The following MYO1E variants were observed in gnomAD, a reference collection of about 807,000 sequenced individuals.
MYO1E encodes the protein myosin IE.
In MYO1E, 68 loss-of-function variants were observed where a neutral mutation model predicts 151.1. That is an observed-to-expected ratio of 0.45 (90% confidence interval 0.37 to 0.55). The LOEUF (loss-of-function observed/expected upper bound fraction) is 0.55. MYO1E is among the 20% of genes least tolerant of loss of function. MYO1E has a pLI of 0.00. For missense variants in MYO1E, 1,363 were observed against 1,389.3 expected (o/e 0.98, Z 0.30); for synonymous variants, 601 against 501.7 (o/e 1.20, Z -2.64).
intron 1 of MYO1E, among the ~76,000 whole-genome samples, chr15:59,302,772 T>C (rs2080490613): frequency 7.5e-6 from 1 of 132,602 alleles, no homozygotes; most frequent in South Asian, 2.4e-4. Flanking sequence ...TTATAAACTC[T>C]GGACACTATA....
intron 19 of MYO1E, among the ~76,000 whole-genome samples, chr15:59,176,723 T>C (rs538467701): frequency 3.0e-4 from 46 of 152,258 alleles, no homozygotes; most frequent in African/African-American, 1.1e-3. Context: ...TCCCAAAGTA[T>C]TGAGATTAGA....
At chr15:59,170,159 T>TAAAACAAAACAAAACAAAAC (rs199974292) in intron 22 of MYO1E, among the ~76,000 whole-genome samples, 1 of 151,620 alleles carries the variant, frequency 6.6e-6, no homozygotes, top group African/African-American at 2.4e-5. Flanking sequence ...AGACTCTGTC[T>TAAAACAAAACAAAACAAAAC]AAAACAAAAC....
chr15:59,195,808 C>A (rs1490685624), intron 16 of MYO1E, among the ~76,000 whole-genome samples: 1 of 152,166 alleles, frequency 6.6e-6, no homozygotes, highest in Non-Finnish European at 1.5e-5. Context: ...TAGGCATTTT[C>A]AGTACAGTTA....
At chr15:59,175,792 C>A (rs2079621127) in intron 19 of MYO1E, among the ~76,000 whole-genome samples, 1 of 152,176 alleles carries the variant, frequency 6.6e-6, no homozygotes, top group African/African-American at 2.4e-5. Flanking sequence ...AAAGGATGAA[C>A]AGGCAAACGA....
At chr15:59,319,829 G>A (rs2080614722) in intron 1 of MYO1E, among the ~76,000 whole-genome samples, 2 of 151,938 alleles carry the variant, frequency 1.3e-5, no homozygotes, top group Admixed American at 1.3e-4. Flanking sequence ...CTTGAACACA[G>A]AGGCAGAGGT....
rs1186180084 is a variant in MYO1E at position 59,221,036 on chromosome 15, T to TTA, written c.910+2021_910+2022dup. Among the ~76,000 whole-genome samples, 1,383 of 145,738 alleles carry TTA rather than the reference T, an allele frequency of 9.5e-3. 10 individuals carry two copies. The highest frequency in any genetic ancestry group is 0.015 in the Non-Finnish European group (1,022 of 66,664). On this transcript the variant is annotated intron_variant, in intron 9 of 27. Coordinates refer to ENST00000288235, the MANE Select transcript of MYO1E (RefSeq NM_004998.4). ...TATATATATAAAATTTATATATATA[T>TTA]TATATATATATACACACACATAATT...
intron 1 of MYO1E, among the ~76,000 whole-genome samples, chr15:59,299,108 GT>G (rs1449558636): frequency 6.6e-6 from 1 of 152,210 alleles, no homozygotes; most frequent in Non-Finnish European, 1.5e-5. Flanking sequence ...ACGGCCACAT[GT>G]TTTACAAGCC....
Position 59,294,136 on chromosome 15 carries a change from T to C in MYO1E, c.4-21687A>G, listed in dbSNP as rs187748894. Among the ~76,000 whole-genome samples, 956 of 152,316 alleles carry C rather than the reference T, an allele frequency of 6.3e-3. 11 individuals carry two copies. The highest frequency in any genetic ancestry group is 0.022 in the African/African-American group (908 of 41,560). On this transcript the variant is annotated intron_variant, in intron 1 of 27. Coordinates refer to ENST00000288235, the MANE Select transcript of MYO1E (RefSeq NM_004998.4). The stretch of plus-strand genomic sequence containing the variant: ...AGCGTCTGGCTGGCTTCCACCCTGA[T>C]TGTTCGGTATTCATGTTGCTAACTA...
At chr15:59,265,396 A>G (rs1421729003) in intron 2 of MYO1E, among the ~76,000 whole-genome samples, 3 of 152,236 alleles carry the variant, frequency 2.0e-5, no homozygotes, top group Admixed American at 2.0e-4. Context: ...CAACATTTTA[A>G]AAACTGTTAA....
At position 59,173,837 on chromosome 15, in the gene MYO1E, A is replaced by T; in HGVS notation, c.2243T>A (p.Met748Lys). 1.2e-6 allele frequency: 2 copies of T among 1,614,004 alleles called. No homozygotes were observed. The highest frequency in any genetic ancestry group is 1.7e-6 in the Non-Finnish European group (2 of 1,179,920). The change falls in exon 21 of 28, where the codon ATG becomes AAG. Residue 748 changes from methionine to lysine, a missense_variant. Transcript: ENST00000288235. ...CTGCTGGAGTTCTGGGTGCTCTTCC[A>T]TCCCAATATAATCCCCTATAAAGTT... ...NRNFIGDYIGMEEHPELQQFV... is the reference protein window; with the variant it reads ...NRNFIGDYIGKEEHPELQQFV...
At chr15:59,307,857 G>A (rs1471369083) in intron 1 of MYO1E, among the ~76,000 whole-genome samples, 2 of 151,062 alleles carry the variant, frequency 1.3e-5, no homozygotes, top group South Asian at 2.1e-4. Context: ...CGATCCACCC[G>A]CCTCAGCCTC....
chr15:59,163,695 C>T (rs933435363), intron 22 of MYO1E, among the ~76,000 whole-genome samples: 4 of 152,074 alleles, frequency 2.6e-5, no homozygotes, highest in African/African-American at 4.8e-5. Flanking sequence ...CATTTAAGTT[C>T]CAAGTTAGTA....
intron 1 of MYO1E, among the ~76,000 whole-genome samples, chr15:59,311,380 C>T (rs1283267232): frequency 6.6e-6 from 1 of 152,076 alleles, no homozygotes; most frequent in Non-Finnish European, 1.5e-5. Flanking sequence ...TCTAATGCCG[C>T]CACTGATCTG....
rs1372667494 is a variant in MYO1E, at chr15:59,135,567, C to G, written c.*1813G>C. On this transcript the variant is annotated 3_prime_UTR_variant, in exon 28 of 28. Coordinates refer to ENST00000288235, the MANE Select transcript of MYO1E (RefSeq NM_004998.4). ...CCGCATCATGGCTCTACTTTCCTCT[C>G]TGGTCGCAACATGGAACTGAAGTAG... 6.6e-6 allele frequency: 1 copy of G among 152,256 alleles called. No homozygotes were observed. Among genetic ancestry groups the G allele is most frequent in the East Asian group, 1.9e-4 (1 of 5,196 alleles). 9.4% of individuals were successfully genotyped at this position (152,256 alleles called of 1,614,324 possible). A position where few individuals can be genotyped will look rare whatever the true frequency, so the allele number is the denominator to read the frequency against.
intron 1 of MYO1E, among the ~76,000 whole-genome samples, chr15:59,311,046 C>T (rs1296673689): frequency 2.0e-5 from 3 of 152,134 alleles, no homozygotes; most frequent in African/African-American, 7.2e-5. Flanking sequence ...CTCCAGCCAT[C>T]ACTCTGCCCT....
In MYO1E at chr15:59,266,713, G is replaced by C. The variant is rs1379339925; in HGVS notation, c.148-5204C>G. On this transcript the variant is annotated intron_variant, in intron 2 of 27. Coordinates refer to ENST00000288235, the MANE Select transcript of MYO1E (RefSeq NM_004998.4). The stretch of plus-strand genomic sequence containing the variant: ...AGTCTCAGTCTGTCACCCGGATGGA[G>C]TGCAGTGGTGTGATATTGGCTCATT... 3.6e-4 allele frequency: 52 copies of C among 142,970 alleles called. 1 individual carries two copies. Among genetic ancestry groups the C allele is most frequent in the African/African-American group, 1.2e-3 (47 of 39,566 alleles). The allele number at this position is 142,970 out of a possible 1,614,324, so 8.9% of individuals were successfully genotyped here.
intron 8 of MYO1E, among the ~76,000 whole-genome samples, chr15:59,223,686 T>C (rs1020836344): frequency 1.3e-5 from 2 of 152,178 alleles, no homozygotes; most frequent in South Asian, 2.1e-4. Flanking sequence ...TAAGAATATA[T>C]TGTACTTGCA....
At chr15:59,231,982 G>T (rs1165510079) in intron 5 of MYO1E, among the ~76,000 whole-genome samples, 191 bp from the exon 6 acceptor site, 1 of 152,130 alleles carries the variant, frequency 6.6e-6, no homozygotes, top group Admixed American at 6.6e-5. Flanking sequence ...GTGTATTTGG[G>T]TCTTCCAATT....
chr15:59,186,302 T>C (rs1414043310), intron 18 of MYO1E, among the ~76,000 whole-genome samples: 5 of 151,830 alleles, frequency 3.3e-5, no homozygotes, highest in African/African-American at 4.8e-5. Flanking sequence ...CCTAATCTCA[T>C]AGCAGAAGAA....
Sources: gnomAD v4.1 joint callset for allele counts (sites outside exome capture counted in the v4.1 genomes callset) on GRCh38, gnomAD v4.1.1 for gene constraint, MANE v1.5 for transcripts, NCBI Gene and HGNC (gene_info 2026-07-23, HGNC 2026-07-21) for gene names.